GABRG3: variants seen among roughly 807,000 people sequenced by gnomAD.
GABRG3 encodes gamma-aminobutyric acid receptor subunit gamma-3.
A neutral mutation model predicts 48.8 loss-of-function variants in GABRG3; 25 were observed. The observed-to-expected ratio is 0.51, with a 90% CI of 0.37 to 0.72. The LOEUF (loss-of-function observed/expected upper bound fraction) is 0.72, where lower values mean the gene tolerates loss of function less well. Among genes scored for constraint, GABRG3 ranks in the 30% least tolerant of loss-of-function variants. The pLI is 0.00. For synonymous variants in GABRG3, 227 were observed against 217.6 expected (o/e 1.04, Z -0.38); for missense variants, 394 against 577.9 (o/e 0.68, Z 3.26).
At chr15:27,501,666 C>T (rs1890643887) in intron 6 of GABRG3, among the ~76,000 whole-genome samples, 1 of 152,056 alleles carries the variant, frequency 6.6e-6, no homozygotes, top group African/African-American at 2.4e-5. Flanking sequence ...CGGATTTATA[C>T]AAAGGAAAAT....
At chr15:27,286,007 G>T (rs1043068522) in intron 3 of GABRG3, among the ~76,000 whole-genome samples, 1 of 152,158 alleles carries the variant, frequency 6.6e-6, no homozygotes, top group Non-Finnish European at 1.5e-5. Context: ...ATTAGGTTGG[G>T]ATCTTACTTA....
At chr15:27,500,806 T>C (rs1890604516) in intron 6 of GABRG3, among the ~76,000 whole-genome samples, 1 of 151,598 alleles carries the variant, frequency 6.6e-6, no homozygotes, top group Admixed American at 6.6e-5. Flanking sequence ...TTCTAATATT[T>C]TTAGTGACCT....
chr15:27,386,772 A>G (rs1895935498), intron 5 of GABRG3, among the ~76,000 whole-genome samples: 1 of 152,148 alleles, frequency 6.6e-6, no homozygotes, highest in African/African-American at 2.4e-5. Flanking sequence ...ATCCTTTTCA[A>G]TTTGTTGTGT....
intron 5 of GABRG3, among the ~76,000 whole-genome samples, chr15:27,387,800 AGAAGGAGGGAGGGAGG>A (rs1475555297): frequency 2.7e-5 from 3 of 110,658 alleles, no homozygotes; most frequent in African/African-American, 1.1e-4. Flanking sequence ...GTGCTGAGAA[AGAAGGAGGGAGGGAGG>A]GAGGGAGGGA....
intron 3 of GABRG3, among the ~76,000 whole-genome samples, chr15:27,060,829 G>A (rs1896631747): frequency 6.6e-6 from 1 of 152,188 alleles, no homozygotes; most frequent in South Asian, 2.1e-4. Flanking sequence ...CTTTGGTCTA[G>A]TTTTTATATG....
chr15:27,354,166 T>A (rs1894753165), intron 5 of GABRG3, among the ~76,000 whole-genome samples: 1 of 152,154 alleles, frequency 6.6e-6, no homozygotes, highest in Admixed American at 6.5e-5. Flanking sequence ...ATTATGGTAA[T>A]ACTAGAAGGA....
chr15:27,055,362 A>G (rs913481558), intron 3 of GABRG3, among the ~76,000 whole-genome samples: 1 of 152,212 alleles, frequency 6.6e-6, no homozygotes, highest in African/African-American at 2.4e-5. Flanking sequence ...AGCTATCATT[A>G]TTTGCTAATG....
At chr15:27,415,152 C>T (rs1302196429) in intron 5 of GABRG3, among the ~76,000 whole-genome samples, 3 of 152,004 alleles carry the variant, frequency 2.0e-5, no homozygotes, top group Non-Finnish European at 4.4e-5. Flanking sequence ...TCTCTTTCTC[C>T]TCATATTCCC....
At chr15:27,374,569 T>A (rs1290748098) in intron 5 of GABRG3, among the ~76,000 whole-genome samples, 1 of 152,252 alleles carries the variant, frequency 6.6e-6, no homozygotes, top group East Asian at 1.9e-4. Flanking sequence ...TATGCATTTC[T>A]ATTGTTTAAG....
chr15:27,308,180 C>T (rs1892768593), intron 3 of GABRG3, among the ~76,000 whole-genome samples: 1 of 76,534 alleles, frequency 1.3e-5, no homozygotes, highest in South Asian at 3.0e-4. Context: ...GTTTATATAT[C>T]CAAACATATA....
intron 3 of GABRG3, among the ~76,000 whole-genome samples, chr15:27,307,679 A>C (rs1370031564): frequency 7.7e-6 from 1 of 129,854 alleles, no homozygotes; most frequent in South Asian, 2.5e-4. Flanking sequence ...ATATATAAAC[A>C]TAGGTTTATG....
Position 27,236,500 on chromosome 15 carries a change from G to GCAGAAAC in GABRG3, c.271-90305_271-90299dup, listed in dbSNP as rs2140450940. On this transcript the variant is annotated intron_variant, in intron 3 of 9. Transcript: ENST00000615808. This position sits in a 1 kb window ranked among gnomAD's most constrained non-coding sequence, Gnocchi z 4.4. Reference sequence around the variant, plus strand: ...CACCAGAATTCTCTCTAAGCAGGAAGCAGAAACCAGCTCTGGAAAACAAGA... The same window carrying GCAGAAAC: ...CACCAGAATTCTCTCTAAGCAGGAAGCAGAAACCAGAAACCAGCTCTGGAAAACAAGA... Among the ~76,000 whole-genome samples the GCAGAAAC allele has an allele frequency of 6.6e-6, 1 of 152,316 alleles. No homozygotes were observed. The highest frequency in any genetic ancestry group is 2.1e-4 in the South Asian group (1 of 4,826).
chr15:27,374,003 C>A (rs1007678537), intron 5 of GABRG3, among the ~76,000 whole-genome samples: 2 of 151,932 alleles, frequency 1.3e-5, no homozygotes, highest in Non-Finnish European at 2.9e-5. Flanking sequence ...TATTTATTTT[C>A]TCATCTCAGA....
intron 3 of GABRG3, among the ~76,000 whole-genome samples, chr15:27,267,442 AT>A (rs34989689): frequency 1.3e-4 from 19 of 145,104 alleles, no homozygotes; most frequent in Admixed American, 5.5e-4. Flanking sequence ...TAGCTCAAGG[AT>A]TTTTTTTTTT....
chr15:27,058,767 G>A (rs1426565350), intron 3 of GABRG3, among the ~76,000 whole-genome samples: 3 of 152,098 alleles, frequency 2.0e-5, no homozygotes, highest in East Asian at 1.9e-4. Context: ...CAGTAAGTTC[G>A]CGGGCCTCAT....
intron 6 of GABRG3, among the ~76,000 whole-genome samples, chr15:27,495,116 A>G (rs1255597785): frequency 6.6e-6 from 1 of 152,124 alleles, no homozygotes; most frequent in Non-Finnish European, 1.5e-5. Context: ...TAGCCACTAA[A>G]CAGTAATTCC....
At chr15:27,384,968 T>C (rs1400140320) in intron 5 of GABRG3, among the ~76,000 whole-genome samples, 1 of 152,204 alleles carries the variant, frequency 6.6e-6, no homozygotes, top group Admixed American at 6.5e-5. Flanking sequence ...CAGTTGAATG[T>C]ATTTTCATAC....
chr15:27,099,474 T>C (rs540786724), intron 3 of GABRG3, among the ~76,000 whole-genome samples: 5 of 152,326 alleles, frequency 3.3e-5, no homozygotes, highest in Admixed American at 6.5e-5. Context: ...TCTCTTCTTA[T>C]GATTTTTCTT....
At chr15:27,066,266 A>G (rs1362578989) in intron 3 of GABRG3, among the ~76,000 whole-genome samples, 1 of 152,206 alleles carries the variant, frequency 6.6e-6, no homozygotes, top group Non-Finnish European at 1.5e-5. Flanking sequence ...TCTTTTAAGC[A>G]TCAAAGTCAT....
Sources: allele counts gnomAD v4.1 joint callset (sites outside exome capture counted in the v4.1 genomes callset), GRCh38; gene constraint gnomAD v4.1.1; non-coding constraint Gnocchi (gnomAD v3.1); transcripts MANE v1.5; gene names NCBI Gene and HGNC (gene_info 2026-07-23, HGNC 2026-07-21).